The following TPRG1 variants were observed in gnomAD, a reference collection of about 807,000 sequenced individuals.
The protein encoded by TPRG1 is tumor protein p63-regulated gene 1 protein.
In TPRG1, 29 loss-of-function variants were observed where a neutral mutation model predicts 29.3. That is an observed-to-expected ratio of 0.99 (90% CI 0.74 to 1.35). The LOEUF is 1.35. Ranked by LOEUF, TPRG1 falls within the 40% of genes most tolerant of loss-of-function variation. The probability of loss-of-function intolerance (pLI) is 0.00; values close to 1 mark genes in which losing one functional copy is unlikely to be tolerated. For missense variants in TPRG1, 327 were observed against 335.0 expected (o/e 0.98, Z 0.19); for synonymous variants, 130 against 116.8 (o/e 1.11, Z -0.73).
At chr3:189,204,524 A>G (rs74469249) in intron 1 of TPRG1, among the ~76,000 whole-genome samples, 6,344 of 152,262 alleles carry the variant, frequency 0.042, 190 homozygotes, top group Middle Eastern at 0.078. Context: ...CCCACTATTT[A>G]TGGCAGTGAG....
chr3:189,154,450 T>C (rs1237915165), intron 5 of TPRG1, among the ~76,000 whole-genome samples: 3 of 152,068 alleles, frequency 2.0e-5, no homozygotes, highest in Non-Finnish European at 4.4e-5. Context: ...TGTACATTTT[T>C]TTTTTTTTTG....
chr3:189,183,596 C>A lies in TPRG1; in HGVS notation c.-10+11465C>A, dbSNP rs776225893. On this transcript the variant is annotated intron_variant, in intron 1 of 5. Coordinates refer to ENST00000345063, the MANE Select transcript of TPRG1 (RefSeq NM_198485.4). ...CACACCCAAGGGGGCCATCTATAGA[C>A]CCACCCCCAGGCACATATTCTCTTT... 8.0e-4 allele frequency among the ~76,000 whole-genome samples: 121 copies of A among 151,876 alleles called. 1 individual carries two copies. Among genetic ancestry groups the A allele is most frequent in the Admixed American group, 2.6e-4 (4 of 15,210 alleles).
intron 4 of TPRG1, among the ~76,000 whole-genome samples, chr3:189,262,888 A>G (rs1713376823): frequency 6.6e-6 from 1 of 152,228 alleles, no homozygotes; most frequent in South Asian, 2.1e-4. Flanking sequence ...GCAGCTGGCC[A>G]GAGGTATCAG....
chr3:189,176,461 AT>A (rs1362671570), intron 1 of TPRG1, among the ~76,000 whole-genome samples: 1 of 152,238 alleles, frequency 6.6e-6, no homozygotes, highest in Non-Finnish European at 1.5e-5. Flanking sequence ...GTGAAAAAAA[AT>A]AATAATCTCT....
At chr3:189,020,723 G>C (rs1465037240) in intron 3 of TPRG1, among the ~76,000 whole-genome samples, 1 of 129,422 alleles carries the variant, frequency 7.7e-6, no homozygotes, top group Non-Finnish European at 1.6e-5. Flanking sequence ...TTGGGGTGGA[G>C]AGTTCTGTAG....
intron 3 of TPRG1, among the ~76,000 whole-genome samples, chr3:189,022,631 T>C (rs1453361715): frequency 2.0e-5 from 3 of 152,158 alleles, no homozygotes; most frequent in African/African-American, 7.2e-5. Context: ...ACTGCTCTCT[T>C]CAAAGCTGTC....
chr3:189,286,840 T>G (rs1306117955), intron 4 of TPRG1, among the ~76,000 whole-genome samples: 1 of 152,106 alleles, frequency 6.6e-6, no homozygotes, highest in African/African-American at 2.4e-5. Flanking sequence ...CTTTCTTTTC[T>G]TTATCTGTTA....
At position 189,250,747 on chromosome 3, in the gene TPRG1, T is replaced by TAAA. The variant is rs139028462; in HGVS notation, c.479+11856_479+11858dup. 1.9e-4 allele frequency among the ~76,000 whole-genome samples: 23 copies of TAAA among 122,700 alleles called. 1 individual carries two copies. The highest frequency in any genetic ancestry group is 6.6e-4 in the African/African-American group (22 of 33,314). 80.5% of individuals were successfully genotyped at this position (122,700 alleles called of 152,430 possible). ...CAGAGTCTGAGCAAATTCCCTTGTT[T>TAAA]AAAAAAAAAAAAAAAAAAAAGCAAT... On this transcript the variant is annotated intron_variant, in intron 4 of 5. Transcript: ENST00000345063.
chr3:189,144,718 G>A (rs1725019690), intron 3 of TPRG1, among the ~76,000 whole-genome samples: 1 of 73,278 alleles, frequency 1.4e-5, no homozygotes, highest in Admixed American at 2.1e-4. Context: ...AAAAGACACT[G>A]ATCACTAGAA....
chr3:189,195,945 G>T (rs1732463248), intron 1 of TPRG1, among the ~76,000 whole-genome samples: 1 of 152,148 alleles, frequency 6.6e-6, no homozygotes, highest in South Asian at 2.1e-4. Flanking sequence ...TTAAAATGTA[G>T]TTGTTTATTT....
At chr3:189,282,477 T>C (rs1255073491) in intron 4 of TPRG1, among the ~76,000 whole-genome samples, 2 of 152,150 alleles carry the variant, frequency 1.3e-5, no homozygotes, top group Non-Finnish European at 2.9e-5. Flanking sequence ...CCTCATTTTT[T>C]GTCCCATTTC....
intron 4 of TPRG1, among the ~76,000 whole-genome samples, chr3:189,307,629 A>G (rs1171509567): frequency 1.3e-5 from 2 of 152,234 alleles, no homozygotes; most frequent in Non-Finnish European, 2.9e-5. Flanking sequence ...GCCTTAGCCC[A>G]GAATGGTGAA....
At chr3:189,050,300 A>G (rs1167940825) in intron 4 of TPRG1, among the ~76,000 whole-genome samples, 1 of 152,230 alleles carries the variant, frequency 6.6e-6, no homozygotes, top group Non-Finnish European at 1.5e-5. Flanking sequence ...CAAGGCTACT[A>G]TGAACAACTT....
chr3:189,102,509 C>CT (rs112631478), intron 1 of TPRG1, among the ~76,000 whole-genome samples: 10,505 of 152,194 alleles, frequency 0.069, 1,188 homozygotes, highest in African/African-American at 0.24. Flanking sequence ...TTACCTGTCT[C>CT]TAAGTTGTGT....
At chr3:189,233,163 T>C (rs953020985) in intron 3 of TPRG1, among the ~76,000 whole-genome samples, 1 of 104,536 alleles carries the variant, frequency 9.6e-6, no homozygotes, top group Non-Finnish European at 1.8e-5. Flanking sequence ...CTACTGAGTG[T>C]GTATGTGTGT....
chr3:189,180,637 C>G (rs1730083918), intron 1 of TPRG1, among the ~76,000 whole-genome samples: 1 of 152,216 alleles, frequency 6.6e-6, no homozygotes, highest in Non-Finnish European at 1.5e-5. Flanking sequence ...TCTTAGACAG[C>G]TCCATCCCTG....
chr3:189,105,532 C>T (rs1021109593), intron 1 of TPRG1, among the ~76,000 whole-genome samples: 1 of 152,058 alleles, frequency 6.6e-6, no homozygotes, highest in Non-Finnish European at 1.5e-5. Context: ...AGTTCCTCTT[C>T]TACATATGAG....
Position 189,238,731 on chromosome 3 carries a change from A to G in TPRG1, c.303-2A>G, listed in dbSNP as rs1392868274. 1 of 1,606,650 alleles carries G rather than the reference A, an allele frequency of 6.2e-7. No homozygotes were observed. The highest frequency in any genetic ancestry group is 2.2e-5 in the East Asian group (1 of 44,776). ...TTTTATTTGCTATGATGATTCCTATAGGATAGACCACTGGAACAATGAGAA... is the reference window on the plus strand; with the variant it reads ...TTTTATTTGCTATGATGATTCCTATGGGATAGACCACTGGAACAATGAGAA... On this transcript the variant is annotated splice_acceptor_variant, in intron 3 of 5. Coordinates refer to ENST00000345063, the MANE Select transcript of TPRG1 (RefSeq NM_198485.4). LOFTEE classifies it high-confidence loss of function.
rs564139373 is a variant in TPRG1, at chr3:189,200,540, T to C, written c.-9-6836T>C. 5.9e-5 allele frequency among the ~76,000 whole-genome samples: 9 copies of C among 152,292 alleles called. No individual in the cohort carries two copies. In the Middle Eastern group the frequency reaches 0.01, roughly 173 times the overall value. ...AGCATGAGAAAACACAGTTGACATC[T>C]TTGACTACACGCAGGCCACAGGGAC... is the stretch of plus-strand genomic sequence containing the variant. On this transcript the variant is annotated intron_variant, in intron 1 of 5. Coordinates refer to ENST00000345063, the MANE Select transcript of TPRG1 (RefSeq NM_198485.4).
Sources: gnomAD v4.1 joint callset for allele counts (sites outside exome capture counted in the v4.1 genomes callset) on GRCh38, gnomAD v4.1.1 for gene constraint, MANE v1.5 for transcripts, NCBI Gene and HGNC (gene_info 2026-07-23, HGNC 2026-07-21) for gene names.